The following EML1 variants were observed in gnomAD, a reference collection of about 807,000 sequenced individuals.
EML1 encodes the protein EMAP like 1.
In EML1, 27 loss-of-function variants were observed where a neutral mutation model predicts 110.4. The observed-to-expected ratio is 0.24, with a 90% confidence interval of 0.18 to 0.34. The LOEUF (loss-of-function observed/expected upper bound fraction) is 0.34. Ranked by LOEUF, EML1 falls within the 10% of genes least tolerant of loss-of-function variation. The pLI is 1.00. For missense variants in EML1, 741 were observed against 1,030.9 expected (o/e 0.72, Z 3.85); for synonymous variants, 344 against 385.8 (o/e 0.89, Z 1.27).
chr14:99,905,005 A>G lies in EML1; in HGVS notation c.1009-2633A>G, dbSNP rs114621132. Among the ~76,000 whole-genome samples, 256 of 152,294 alleles carry G rather than the reference A, an allele frequency of 1.7e-3. 1 individual carries two copies. Among genetic ancestry groups the G allele is most frequent in the African/African-American group, 5.8e-3 (239 of 41,550 alleles). ...CATTAATCAAAACTTTACAGGAGAT[A>G]AATAGTGATTTTTACCATTCATTCA... On this transcript the variant is annotated intron_variant, in intron 9 of 21. Coordinates refer to ENST00000262233, the MANE Select transcript of EML1 (RefSeq NM_004434.3). The surrounding 1 kb of genome is among the most constrained non-coding windows in gnomAD (Gnocchi z 4.1).
At chr14:99,868,783 A>G (rs975984369) in intron 3 of EML1, among the ~76,000 whole-genome samples, 2 of 150,186 alleles carry the variant, frequency 1.3e-5, no homozygotes, top group Admixed American at 1.3e-4. Flanking sequence ...TTTTTTTCCT[A>G]TTGTTTTTCT....
intron 1 of EML1, among the ~76,000 whole-genome samples, chr14:99,843,155 G>C (rs2058658306): frequency 6.6e-6 from 1 of 152,198 alleles, no homozygotes; most frequent in African/African-American, 2.4e-5. Flanking sequence ...TCGGGAGGCT[G>C]AGATAGGAGG....
At chr14:99,808,776 C>G (rs1441855632) in intron 1 of EML1, among the ~76,000 whole-genome samples, 1 of 152,142 alleles carries the variant, frequency 6.6e-6, no homozygotes, top group Non-Finnish European at 1.5e-5. Context: ...ACTCTATTTT[C>G]CATCCAATTC....
chr14:99,937,172 G>A (rs1166545528), intron 19 of EML1, among the ~76,000 whole-genome samples: 1 of 152,340 alleles, frequency 6.6e-6, no homozygotes, highest in African/African-American at 2.4e-5. Flanking sequence ...GACCACTGGC[G>A]GCAGGGAAAG....
intron 3 of EML1, among the ~76,000 whole-genome samples, chr14:99,876,547 G>T (rs2059295116): frequency 6.6e-6 from 1 of 152,090 alleles, no homozygotes; most frequent in African/African-American, 2.4e-5. Flanking sequence ...GTTTCCCCAG[G>T]GCTCTTCTGT....
chr14:99,927,780 A>G lies in EML1; in HGVS notation c.1909+6903A>G, dbSNP rs79149115. On this transcript the variant is annotated intron_variant, in intron 17 of 21. Transcript: ENST00000262233. Reference sequence around the variant, plus strand: ...TGGTGGTGATAGTAGTGGTGGTGGTAGTGGTGGTGGTATTGGTGGTGGGGG... The same window carrying G: ...TGGTGGTGATAGTAGTGGTGGTGGTGGTGGTGGTGGTATTGGTGGTGGGGG... Among the ~76,000 whole-genome samples the G allele has an allele frequency of 4.9e-3, 205 of 41,516 alleles. No homozygotes were observed. The Middle Eastern group carries it at 0.06, about 12-fold the overall frequency. The allele number at this position is 41,516 out of a possible 152,430, so 27.2% of individuals were successfully genotyped here. A position where few individuals can be genotyped will look rare whatever the true frequency, so the allele number is the denominator to read the frequency against.
intron 1 of EML1, among the ~76,000 whole-genome samples, chr14:99,751,568 G>A (rs2057175672): frequency 6.6e-6 from 1 of 152,138 alleles, no homozygotes. Flanking sequence ...GGGTGCTAAG[G>A]ATGGGGTATC....
chr14:99,844,500 A>C (rs994703180), intron 1 of EML1, among the ~76,000 whole-genome samples: 3 of 151,832 alleles, frequency 2.0e-5, no homozygotes, highest in African/African-American at 7.3e-5. Flanking sequence ...AAAAATTGGC[A>C]AAACCAATGA....
At chr14:99,933,511 G>A (rs2140126638) in intron 17 of EML1, among the ~76,000 whole-genome samples, 1 of 152,298 alleles carries the variant, frequency 6.6e-6, no homozygotes, top group South Asian at 2.1e-4. Flanking sequence ...TTGCATAAGA[G>A]TGGACAGCCA....
chr14:99,813,086 C>T (rs1392564883), intron 1 of EML1, among the ~76,000 whole-genome samples: 2 of 152,084 alleles, frequency 1.3e-5, no homozygotes, highest in African/African-American at 2.4e-5. Flanking sequence ...CGTAGTTAGC[C>T]GTCTTTCTTG....
At position 99,889,341 on chromosome 14, in the gene EML1, C is replaced by T. The variant is rs567375963; in HGVS notation, c.519-1858C>T. ...CTTGGGGCCTGCTGAAGGCTGAAGACGGAGAACCAAGAGGAATTCCACAGG... is the reference window on the plus strand; with the variant it reads ...CTTGGGGCCTGCTGAAGGCTGAAGATGGAGAACCAAGAGGAATTCCACAGG... On this transcript the variant is annotated intron_variant, in intron 4 of 21. Coordinates refer to ENST00000262233, the MANE Select transcript of EML1 (RefSeq NM_004434.3). 5.9e-5 allele frequency among the ~76,000 whole-genome samples: 9 copies of T among 152,246 alleles called. No individual in the cohort carries two copies. The South Asian group carries it at 6.2e-4, about 11-fold the overall frequency.
chr14:99,808,943 G>C (rs1271411586), intron 1 of EML1, among the ~76,000 whole-genome samples: 2 of 152,096 alleles, frequency 1.3e-5, no homozygotes, highest in African/African-American at 2.4e-5. Context: ...CATGTAATCA[G>C]GGAAGCTGAT....
At chr14:99,863,585 A>G (rs1407830884) in intron 2 of EML1, among the ~76,000 whole-genome samples, 1 of 152,230 alleles carries the variant, frequency 6.6e-6, no homozygotes, top group Admixed American at 6.5e-5. Context: ...CTCAAATGTC[A>G]TATAAATGCA....
intron 1 of EML1, among the ~76,000 whole-genome samples, chr14:99,824,488 A>G (rs1223042394): frequency 6.6e-6 from 1 of 151,366 alleles, no homozygotes; most frequent in Non-Finnish European, 1.5e-5. Context: ...ACAATAATAC[A>G]GCATGGATCC....
Position 99,939,877 on chromosome 14 carries a change from C to T in EML1, c.2323-110C>T, listed in dbSNP as rs899393365. On this transcript the variant is annotated intron_variant, in intron 21 of 21. Transcript: ENST00000262233. This position sits in a 1 kb window ranked among gnomAD's most constrained non-coding sequence, Gnocchi z 4.2. Reference sequence around the variant, plus strand: ...AGGTTCCCAAGTGAGAGCTGCCGAGCGGAGGGCGAGTAAAGGAATTAAGGC... The same window carrying T: ...AGGTTCCCAAGTGAGAGCTGCCGAGTGGAGGGCGAGTAAAGGAATTAAGGC... The T allele has an allele frequency of 1.3e-5, 18 of 1,350,252 alleles. No homozygotes were observed. Among genetic ancestry groups the T allele is most frequent in the African/African-American group, 7.4e-5 (5 of 67,494 alleles). The allele number at this position is 1,350,252 out of a possible 1,614,324, so 83.6% of individuals were successfully genotyped here.
chr14:99,884,295 G>A (rs933820773), intron 4 of EML1, among the ~76,000 whole-genome samples: 1 of 152,110 alleles, frequency 6.6e-6, no homozygotes, highest in Non-Finnish European at 1.5e-5. Flanking sequence ...GCCTGTTTCT[G>A]TCTTTATCCC....
intron 2 of EML1, among the ~76,000 whole-genome samples, chr14:99,864,676 G>T (rs1016601124): frequency 6.6e-6 from 1 of 152,070 alleles, no homozygotes; most frequent in Non-Finnish European, 1.5e-5. Context: ...GCTGGGCATG[G>T]TAGCCAGCAC....
At chr14:99,880,824 A>C (rs2059372551) in intron 4 of EML1, among the ~76,000 whole-genome samples, 1 of 152,196 alleles carries the variant, frequency 6.6e-6, no homozygotes, top group Non-Finnish European at 1.5e-5. Flanking sequence ...AATCTTATAA[A>C]TGAGCTAACT....
chr14:99,768,507 G>C (rs941279050), upstream of EML1, among the ~76,000 whole-genome samples: 6 of 152,148 alleles, frequency 3.9e-5, no homozygotes, highest in African/African-American at 1.4e-4. Flanking sequence ...GGAACTATCA[G>C]TCACTCCACA....
Sources: allele counts gnomAD v4.1 joint callset (sites outside exome capture counted in the v4.1 genomes callset), GRCh38; gene constraint gnomAD v4.1.1; non-coding constraint Gnocchi (gnomAD v3.1); transcripts MANE v1.5; gene names NCBI Gene and HGNC (gene_info 2026-07-23, HGNC 2026-07-21).